The following EPC2 variants were observed in gnomAD, a reference collection of about 807,000 sequenced individuals.
EPC2 encodes enhancer of polycomb homolog 2.
In EPC2, 14 loss-of-function variants were observed where a neutral mutation model predicts 92.1. The ratio of observed to expected loss-of-function variants is 0.15; its 90% CI spans 0.10 to 0.24. The LOEUF is 0.24. Among genes scored for constraint, EPC2 ranks in the 10% least tolerant of loss-of-function variants. The pLI, the probability that EPC2 is intolerant of heterozygous loss-of-function variation, is 1.00. For missense variants in EPC2, 755 were observed against 971.5 expected, an observed-to-expected ratio of 0.78 and a Z score of 2.96; for synonymous variants, 340 against 334.7, an observed-to-expected ratio of 1.02 and a Z score of -0.17.
intron 1 of EPC2, among the ~76,000 whole-genome samples, chr2:148,669,702 C>A (rs1437291656): frequency 1.3e-5 from 2 of 152,118 alleles, no homozygotes; most frequent in Non-Finnish European, 2.9e-5. Context: ...ACTGGAAAAA[C>A]CTCAAAATTT....
intron 1 of EPC2, among the ~76,000 whole-genome samples, chr2:148,671,337 G>A (rs536178762): frequency 6.8e-6 from 1 of 146,084 alleles, no homozygotes; most frequent in East Asian, 2.0e-4. Flanking sequence ...TTTTTGGCTG[G>A]GCATGATGGC....
At chr2:148,690,438 C>A (rs1681623662) in intron 2 of EPC2, 65 bp downstream of exon 2, 3 of 1,419,246 alleles carry the variant, frequency 2.1e-6, no homozygotes, top group Non-Finnish European at 1.9e-6. Flanking sequence ...GAAATCTTTT[C>A]TTTTGTCTAA....
chr2:148,705,080 T>C (rs756702872), intron 2 of EPC2, among the ~76,000 whole-genome samples: 2 of 152,142 alleles, frequency 1.3e-5, no homozygotes, highest in Non-Finnish European at 2.9e-5. Flanking sequence ...ATTTCACCCA[T>C]AAATATTTCA....
chr2:148,736,997 G>T (rs112154031), intron 2 of EPC2, among the ~76,000 whole-genome samples: 3 of 152,158 alleles, frequency 2.0e-5, no homozygotes. Context: ...AGCTACTTGG[G>T]AAGCTGAAGT....
At position 148,757,954 on chromosome 2, in the gene EPC2, G is replaced by C. The variant is rs958420331; in HGVS notation, c.666+3821G>C. 5.9e-5 allele frequency among the ~76,000 whole-genome samples: 9 copies of C among 152,212 alleles called. No individual in the cohort carries two copies. The East Asian group carries it at 1.3e-3, about 23-fold the overall frequency. ...GAAAATTATTCCAGGTGTAGGGCTG[G>C]AATACAAAGATAAGCCTGGAACACA... On this transcript the variant is annotated intron_variant, in intron 4 of 13. Transcript: ENST00000258484.
intron 2 of EPC2, among the ~76,000 whole-genome samples, chr2:148,736,647 A>T (rs1682761651): frequency 6.6e-6 from 1 of 152,140 alleles, no homozygotes; most frequent in South Asian, 2.1e-4. Context: ...TCAAGACTAA[A>T]GGTTTTAGCC....
intron 1 of EPC2, among the ~76,000 whole-genome samples, chr2:148,647,303 A>G (rs1683823069): frequency 6.6e-6 from 1 of 151,950 alleles, no homozygotes; most frequent in African/African-American, 2.4e-5. Flanking sequence ...TCGTGTTGCA[A>G]TTTTTTGTTT....
At chr2:148,758,785 C>T (rs1326026261) in intron 4 of EPC2, among the ~76,000 whole-genome samples, 1 of 152,116 alleles carries the variant, frequency 6.6e-6, no homozygotes, top group Non-Finnish European at 1.5e-5. Flanking sequence ...TTAATATCAG[C>T]AGTAATGGGA....
intron 2 of EPC2, among the ~76,000 whole-genome samples, chr2:148,709,617 A>C (rs1227136381): frequency 2.0e-5 from 3 of 152,232 alleles, no homozygotes; most frequent in Non-Finnish European, 4.4e-5. Flanking sequence ...TACAGTAACC[A>C]AAACAGCATG....
At chr2:148,775,020 C>T (rs1221316278) in intron 10 of EPC2, among the ~76,000 whole-genome samples, 2 of 148,810 alleles carry the variant, frequency 1.3e-5, no homozygotes, top group African/African-American at 2.5e-5. Context: ...ACCCGGGAGG[C>T]GGAGCTTGCA....
intron 1 of EPC2, among the ~76,000 whole-genome samples, chr2:148,664,043 C>CT (rs1681010463): frequency 6.6e-6 from 1 of 152,094 alleles, no homozygotes; most frequent in African/African-American, 2.4e-5. Flanking sequence ...CTAAAGGACT[C>CT]TGAGTCACCT....
intron 2 of EPC2, among the ~76,000 whole-genome samples, chr2:148,718,085 A>G (rs1682294277): frequency 6.6e-6 from 1 of 151,944 alleles, no homozygotes; most frequent in African/African-American, 2.4e-5. Flanking sequence ...TCTGTTTCCC[A>G]TTTGCTTAGT....
At chr2:148,743,472 A>G (rs1243852175) in intron 2 of EPC2, 150 bp from the exon 3 acceptor site, 4 of 519,816 alleles carry the variant, frequency 7.7e-6, no homozygotes, top group African/African-American at 2.0e-5. Flanking sequence ...ACTGTGCAGT[A>G]AGTCTCTGAA....
chr2:148,740,848 G>C (rs1031260323), intron 2 of EPC2, among the ~76,000 whole-genome samples: 2 of 152,106 alleles, frequency 1.3e-5, no homozygotes, highest in African/African-American at 4.8e-5. Flanking sequence ...ACTGTTTGCT[G>C]TTAGTATGTG....
intron 1 of EPC2, among the ~76,000 whole-genome samples, chr2:148,680,958 A>G (rs1574578607): frequency 6.6e-6 from 1 of 152,240 alleles, no homozygotes; most frequent in Non-Finnish European, 1.5e-5. Context: ...TGGTGCTAGA[A>G]TGATAATAGG....
At chr2:148,751,453 C>T (rs1316603279) in intron 3 of EPC2, among the ~76,000 whole-genome samples, 1 of 151,912 alleles carries the variant, frequency 6.6e-6, no homozygotes, top group Non-Finnish European at 1.5e-5. Context: ...ACTTTTTTGC[C>T]AGTTAAGTAA....
rs746024888 is a variant in EPC2 at position 148,786,427 on chromosome 2, T to C, written c.*50T>C. 6.8e-7 allele frequency: 1 copy of C among 1,473,822 alleles called. No homozygotes were observed. The highest frequency in any genetic ancestry group is 9.4e-7 in the Non-Finnish European group (1 of 1,067,194). 91.3% of individuals were successfully genotyped at this position (1,473,822 alleles called of 1,614,324 possible). On this transcript the variant is annotated 3_prime_UTR_variant, in exon 14 of 14. Transcript: ENST00000258484. The stretch of plus-strand genomic sequence containing the variant: ...TGCTGATGGTGTGCAGTCATTCATA[T>C]TCCAGCTGAATGCAAAAGGCAACAC...
chr2:148,784,353 G>A (rs1213287051), intron 12 of EPC2, among the ~76,000 whole-genome samples: 3 of 152,126 alleles, frequency 2.0e-5, no homozygotes, highest in Non-Finnish European at 4.4e-5. Flanking sequence ...TCATGCATGT[G>A]TACATACTTA....
intron 3 of EPC2, among the ~76,000 whole-genome samples, chr2:148,746,346 A>G (rs748222863): frequency 3.9e-5 from 6 of 151,936 alleles, no homozygotes; most frequent in Non-Finnish European, 4.4e-5. Flanking sequence ...GTCTTACCCT[A>G]TGTAATCTTG....
Sources: gnomAD v4.1 joint callset for allele counts (sites outside exome capture counted in the v4.1 genomes callset) on GRCh38, gnomAD v4.1.1 for gene constraint, MANE v1.5 for transcripts, NCBI Gene and HGNC (gene_info 2026-07-23, HGNC 2026-07-21) for gene names.